The following ERAP2 variants were observed in gnomAD, a reference collection of about 807,000 sequenced individuals.
ERAP2 encodes the protein endoplasmic reticulum aminopeptidase 2.
A neutral mutation model predicts 111.1 loss-of-function variants in ERAP2; 118 were observed. That is an observed-to-expected ratio of 1.06 (90% confidence interval 0.92 to 1.24). ERAP2 has a LOEUF of 1.24. Among genes scored for constraint, ERAP2 ranks in the 50% most tolerant of loss-of-function variants. The pLI, the probability that ERAP2 is intolerant of heterozygous loss-of-function variation, is 0.00. For missense variants in ERAP2, 1,131 were observed against 1,125.8 expected (o/e 1.00, Z -0.07); for synonymous variants, 410 against 401.2 (o/e 1.02, Z -0.26).
At chr5:96,904,385 A>C (rs1785809643) in intron 13 of ERAP2, among the ~76,000 whole-genome samples, 1 of 152,112 alleles carries the variant, frequency 6.6e-6, no homozygotes, top group Non-Finnish European at 1.5e-5. Flanking sequence ...GTGACATATA[A>C]TTTTCTTTCA....
intron 17 of ERAP2, among the ~76,000 whole-genome samples, chr5:96,914,148 T>TCACACACACACACACACACACA (rs1554061288): frequency 1.1e-4 from 17 of 148,082 alleles, no homozygotes; most frequent in Middle Eastern, 3.5e-3. Flanking sequence ...TCTCTCTCTC[T>TCACACACACACACACACACACA]CACACACACA....
chr5:96,877,349 CTG>C (rs1211395627), intron 1 of ERAP2, among the ~76,000 whole-genome samples: 1 of 152,166 alleles, frequency 6.6e-6, no homozygotes, highest in African/African-American at 2.4e-5. Context: ...AAGTTAAAGA[CTG>C]TGTGAGTAAA....
intron 2 of ERAP2, chr5:96,881,112 T>A (rs1447569656): frequency 3.6e-6 from 1 of 277,486 alleles, no homozygotes; most frequent in Non-Finnish European, 7.1e-6. Flanking sequence ...AGGGATCAGA[T>A]CATGTGGAGC....
intron 13 of ERAP2, among the ~76,000 whole-genome samples, chr5:96,906,638 A>G (rs896568399): frequency 6.6e-6 from 1 of 152,216 alleles, no homozygotes; most frequent in Non-Finnish European, 1.5e-5. Flanking sequence ...AATGTAATTT[A>G]AAGACAGGGG....
Position 96,909,672 on chromosome 5 carries a change from C to T in ERAP2, c.2262C>T (p.Leu754=), listed in dbSNP as rs760113339. Residue 754 remains leucine, a synonymous_variant, in exon 15 of 19, where the codon CTC becomes CTT. Coordinates refer to ENST00000437043, the MANE Select transcript of ERAP2 (RefSeq NM_022350.5). ...SVWDRMLRSA[L]LKLACDLNHA... is the part of the protein sequence containing the mutation. Reference sequence around the variant, plus strand: ...GGGACAGGATGCTCCGCTCGGCTCTCTTGAAGCTGGCCTGTGACCTGAACC... The same window carrying T: ...GGGACAGGATGCTCCGCTCGGCTCTTTTGAAGCTGGCCTGTGACCTGAACC... 8 of 1,614,220 alleles carry T rather than the reference C, an allele frequency of 5.0e-6. No individual in the cohort carries two copies. Among genetic ancestry groups the T allele is most frequent in the Admixed American group, 1.7e-5 (1 of 60,026 alleles).
chr5:96,887,589 C>T (rs1053430339), intron 4 of ERAP2, among the ~76,000 whole-genome samples: 6 of 152,064 alleles, frequency 3.9e-5, no homozygotes, highest in Non-Finnish European at 5.9e-5. Flanking sequence ...CGTGAGCCAC[C>T]GTGCCCGACA....
Position 96,889,188 on chromosome 5 carries a change from T to A in ERAP2, c.853T>A (p.Ser285Thr). 6.2e-7 allele frequency: 1 copy of A among 1,614,098 alleles called. No homozygotes were observed. The highest frequency in any genetic ancestry group is 8.5e-7 in the Non-Finnish European group (1 of 1,179,940). The stretch of plus-strand genomic sequence containing the variant: ...TCTTCTGATCCACATTTCCCAGGTG[T>A]CCATCTATGCATCCCCAGACAAACG... Reference protein sequence around the residue: ...SGFTSSGVKVSIYASPDKRNQ... With the variant: ...SGFTSSGVKVTIYASPDKRNQ... Residue 285 changes from serine to threonine, a missense_variant, in exon 5 of 19, where the codon TCC (serine) becomes ACC (threonine). This residue lies in a region of ERAP2 where 847 missense variants were observed against 856.5 expected (regional missense o/e 0.99). Coordinates refer to ENST00000437043, the MANE Select transcript of ERAP2 (RefSeq NM_022350.5).
rs781566444 is a variant in ERAP2, at chr5:96,902,299, T to A, written c.1774T>A (p.Tyr592Asn). Residue 592 changes from tyrosine (Y) to asparagine (N), a missense_variant, in exon 12 of 19, where the codon TAC becomes AAC. By Grantham distance (143) the Tyr-to-Asn change is moderately radical. Coordinates refer to ENST00000437043, the MANE Select transcript of ERAP2 (RefSeq NM_022350.5). Reference protein sequence around the residue: ...ERYLWHIPLTYSTSSSNVIHR... With the variant: ...ERYLWHIPLTNSTSSSNVIHR... ...GTACCTGTGGCATATCCCATTGACC[T>A]ACTCCACGAGTTCTTCTAATGTGAT... The A allele has an allele frequency of 2.5e-6, 4 of 1,611,714 alleles. No individual in the cohort carries two copies. The South Asian group carries it at 4.4e-5, about 18-fold the overall frequency.
chr5:96,884,155 T>TC (rs1783485985), intron 3 of ERAP2, among the ~76,000 whole-genome samples: 2 of 148,212 alleles, frequency 1.3e-5, no homozygotes, highest in African/African-American at 5.0e-5. Flanking sequence ...GCTTTTTTTT[T>TC]CCCAAGCAAA....
intron 17 of ERAP2, among the ~76,000 whole-genome samples, chr5:96,914,082 T>C (rs2112406680): frequency 6.6e-6 from 1 of 152,144 alleles, no homozygotes; most frequent in Admixed American, 6.5e-5. Context: ...TAACCAATAA[T>C]GATTAGATTT....
intron 12 of ERAP2, chr5:96,902,607 T>A (rs1211643669): frequency 8.5e-6 from 3 of 353,796 alleles, no homozygotes. Context: ...GAAATCTATC[T>A]TATGTCTTAT....
At chr5:96,897,182 TGG>T (rs1784968420) in intron 9 of ERAP2, among the ~76,000 whole-genome samples, 1 of 152,218 alleles carries the variant, frequency 6.6e-6, no homozygotes, top group African/African-American at 2.4e-5. Context: ...ACCTAATCTC[TGG>T]CAAATTTTAA....
At chr5:96,888,334 G>C (rs1199170158) in intron 4 of ERAP2, among the ~76,000 whole-genome samples, 1 of 152,154 alleles carries the variant, frequency 6.6e-6, no homozygotes, top group African/African-American at 2.4e-5. Context: ...CACTTCAGAG[G>C]ACAGGTTCCT....
intron 12 of ERAP2, among the ~76,000 whole-genome samples, chr5:96,903,015 A>G (rs1255339059): frequency 6.6e-6 from 1 of 152,188 alleles, no homozygotes; most frequent in Non-Finnish European, 1.5e-5. Flanking sequence ...ACACATACAT[A>G]TTTCAATGAC....
chr5:96,901,016 C>T (rs1183978807), intron 10 of ERAP2, among the ~76,000 whole-genome samples: 1 of 152,242 alleles, frequency 6.6e-6, no homozygotes, highest in East Asian at 1.9e-4. Context: ...GATCAGAAAC[C>T]CATACTAGCA....
intron 13 of ERAP2, 79 bp downstream of exon 13, chr5:96,903,639 C>G: frequency 4.7e-6 from 6 of 1,280,688 alleles, no homozygotes; most frequent in Non-Finnish European, 6.4e-6. Context: ...ATTGAATGTT[C>G]AACATTGGTC....
chr5:96,902,449 A>T, intron 12 of ERAP2, 96 bp downstream of exon 12: 2 of 714,346 alleles, frequency 2.8e-6, no homozygotes, highest in Non-Finnish European at 4.8e-6. Context: ...ATCTAACAAT[A>T]AAAGATTTAT....
chr5:96,886,615 C>G, intron 3 of ERAP2, 40 bp from the exon 4 acceptor site: 1 of 1,451,374 alleles, frequency 6.9e-7, no homozygotes, highest in African/African-American at 1.4e-5. Context: ...ATGAAATACT[C>G]CAGTTTTCAA....
intron 9 of ERAP2, among the ~76,000 whole-genome samples, chr5:96,897,811 A>G (rs1785016364): frequency 6.6e-6 from 1 of 152,266 alleles, no homozygotes; most frequent in Admixed American, 6.5e-5. Flanking sequence ...AAGTCATTGT[A>G]GACAGAAGAG....
Sources: allele counts gnomAD v4.1 joint callset (sites outside exome capture counted in the v4.1 genomes callset), GRCh38; gene constraint gnomAD v4.1.1; regional missense constraint gnomAD v4.1.1; transcripts MANE v1.5; gene names NCBI Gene and HGNC (gene_info 2026-07-23, HGNC 2026-07-21).